VAV2: variants seen among roughly 807,000 people sequenced by gnomAD.
VAV2 encodes vav guanine nucleotide exchange factor 2, also known as guanine nucleotide exchange factor VAV2.
VAV2 carries 67 observed loss-of-function variants against 132.5 expected under a neutral mutation model. That is an observed-to-expected ratio of 0.51 (90% CI 0.42 to 0.62). The LOEUF is 0.62. Ranked by LOEUF, VAV2 falls within the 20% of genes least tolerant of loss-of-function variation. The pLI is 0.00. For missense variants in VAV2, 938 were observed against 1,153.6 expected (o/e 0.81, Z 2.71); for synonymous variants, 492 against 443.5 (o/e 1.11, Z -1.37).
intron 1 of VAV2, among the ~76,000 whole-genome samples, chr9:133,944,001 G>A (rs1474501306): frequency 6.6e-6 from 1 of 152,190 alleles, no homozygotes; most frequent in East Asian, 1.9e-4. Context: ...GGCGGCGCAG[G>A]GCCGGAGAGC....
chr9:133,842,776 G>A (rs1255380280), intron 3 of VAV2, among the ~76,000 whole-genome samples: 5 of 152,200 alleles, frequency 3.3e-5, no homozygotes, highest in East Asian at 1.9e-4. Context: ...AGAACAGCGC[G>A]GGCAGAGGGG....
At chr9:133,861,529 T>C in intron 2 of VAV2, 97 bp from the exon 3 acceptor site, 2 of 1,352,172 alleles carry the variant, frequency 1.5e-6, no homozygotes, top group African/African-American at 1.5e-5. Flanking sequence ...TCGAGAACTG[T>C]TAACTGAGCA....
intron 2 of VAV2, among the ~76,000 whole-genome samples, chr9:133,903,360 G>A (rs978819413): frequency 1.3e-5 from 2 of 152,122 alleles, no homozygotes; most frequent in Non-Finnish European, 2.9e-5. Flanking sequence ...TGGTGCTCCC[G>A]GCTCAGGGTC....
intron 2 of VAV2, among the ~76,000 whole-genome samples, chr9:133,894,077 C>T (rs1333239826): frequency 6.6e-6 from 1 of 152,268 alleles, no homozygotes; most frequent in East Asian, 1.9e-4. Flanking sequence ...CCACTCCCCG[C>T]CTCCACTGCC....
Position 133,802,998 on chromosome 9 carries a change from G to GC in VAV2, c.836+3082dup, listed in dbSNP as rs1300369426. Among the ~76,000 whole-genome samples, 1 of 152,236 alleles carries GC rather than the reference G, an allele frequency of 6.6e-6. No individual in the cohort carries two copies. The highest frequency in any genetic ancestry group is 2.4e-5 in the African/African-American group (1 of 41,472). ...CAGCCCTGCCAGAGCAGGTGGCCAA[G>GC]CCAACCCCTACTGGGGTTTTTGAGG... On this transcript the variant is annotated intron_variant, in intron 9 of 29. Coordinates refer to ENST00000371850, the MANE Select transcript of VAV2 (RefSeq NM_001134398.2). This position sits in a 1 kb window ranked among gnomAD's most constrained non-coding sequence, Gnocchi z 5.8.
intron 4 of VAV2, among the ~76,000 whole-genome samples, chr9:133,825,873 ACCT>A (rs1272184756): frequency 6.6e-6 from 1 of 152,130 alleles, no homozygotes; most frequent in Non-Finnish European, 1.5e-5. Flanking sequence ...AGACGTCCAA[ACCT>A]CCTCGACACC....
chr9:133,873,534 G>A (rs1343811068), intron 2 of VAV2, among the ~76,000 whole-genome samples: 1 of 152,220 alleles, frequency 6.6e-6, no homozygotes, highest in Non-Finnish European at 1.5e-5. Context: ...ACCCAAGACA[G>A]GAGCGGCACT....
Position 133,807,271 on chromosome 9 carries a change from A to G in VAV2, c.722T>C (p.Phe241Ser). 2 of 1,610,810 alleles carry G rather than the reference A, an allele frequency of 1.2e-6. No individual in the cohort carries two copies. The highest frequency in any genetic ancestry group is 8.5e-7 in the Non-Finnish European group (1 of 1,179,212). Residue 241 changes from phenylalanine to serine, a missense_variant, in exon 8 of 30, where the codon TTC becomes TCC. Physicochemically the swap from Phe to Ser is radical, Grantham distance 155 (BLOSUM62 -2). Coordinates refer to ENST00000371850, the MANE Select transcript of VAV2 (RefSeq NM_001134398.2). ...CGGGACCCTTACCTCCAGGTTAATG[A>G]AGACAGCTGCCATGTCCGCCGGGCT... The part of the protein sequence containing the change: ...VLSPADMAAV[F>S]INLEDLIKVH...
rs1375268999 is a variant in VAV2, at chr9:133,884,968, T to TG, written c.322-23537dup. 1.3e-5 allele frequency among the ~76,000 whole-genome samples: 2 copies of TG among 151,828 alleles called. No homozygotes were observed. Among genetic ancestry groups the TG allele is most frequent in the East Asian group, 3.9e-4 (2 of 5,166 alleles). On this transcript the variant is annotated intron_variant, in intron 2 of 29. Transcript: ENST00000371850. The surrounding 1 kb of genome is among the most constrained non-coding windows in gnomAD (Gnocchi z 5.3). Reference sequence around the variant, plus strand: ...CACCTGAGCCAGCCACAGTGACAGGTGGAGCCTAGATCATTCCAAAGACTC... The same window carrying TG: ...CACCTGAGCCAGCCACAGTGACAGGTGGGAGCCTAGATCATTCCAAAGACTC...
intron 2 of VAV2, among the ~76,000 whole-genome samples, chr9:133,914,241 T>A (rs1306138868): frequency 6.6e-6 from 1 of 152,018 alleles, no homozygotes. Context: ...AGAATTACCG[T>A]GAAGCCCAGC....
rs1048886263 is a variant in VAV2, at chr9:133,918,057, T to C, written c.321+21046A>G. Reference sequence around the variant, plus strand: ...TCATTTCCCTGCTTCACCAACTCCATTTTCCAAAGTGATTGAGACTCTAAC... The same window carrying C: ...TCATTTCCCTGCTTCACCAACTCCACTTTCCAAAGTGATTGAGACTCTAAC... On this transcript the variant is annotated intron_variant, in intron 2 of 29. Coordinates refer to ENST00000371850, the MANE Select transcript of VAV2 (RefSeq NM_001134398.2). This position sits in a 1 kb window ranked among gnomAD's most constrained non-coding sequence, Gnocchi z 4.7. 2.6e-5 allele frequency among the ~76,000 whole-genome samples: 4 copies of C among 152,140 alleles called. No homozygotes were observed. The highest frequency in any genetic ancestry group is 9.7e-5 in the African/African-American group (4 of 41,426).
In VAV2 at chr9:133,807,870, C is replaced by T. The variant is rs974690002; in HGVS notation, c.667-544G>A. On this transcript the variant is annotated intron_variant, in intron 7 of 29. Transcript: ENST00000371850. ...GCGGGATGTGAAGTGAACATGAGGA[C>T]GTGTGAGGCTGCTGACCCTGCTCTG... Among the ~76,000 whole-genome samples, 7 of 152,352 alleles carry T rather than the reference C, an allele frequency of 4.6e-5. 1 individual carries two copies. The highest frequency in any genetic ancestry group is 6.8e-3 in the Middle Eastern group (2 of 294).
At chr9:133,907,055 G>A (rs1192033109) in intron 2 of VAV2, among the ~76,000 whole-genome samples, 3 of 152,146 alleles carry the variant, frequency 2.0e-5, no homozygotes, top group African/African-American at 4.8e-5. Flanking sequence ...GGCGGGGGGA[G>A]GGACAAGGAC....
intron 12 of VAV2, among the ~76,000 whole-genome samples, chr9:133,793,968 C>T (rs777244492): frequency 2.6e-5 from 4 of 152,098 alleles, no homozygotes; most frequent in Non-Finnish European, 4.4e-5. Flanking sequence ...TGATGAGGTT[C>T]GGTGGCTCTC....
At chr9:133,780,221 C>T (rs1362889212) in intron 20 of VAV2, among the ~76,000 whole-genome samples, 1 of 152,260 alleles carries the variant, frequency 6.6e-6, no homozygotes, top group African/African-American at 2.4e-5. Flanking sequence ...TGACCACCTG[C>T]TCTGAGCCTG....
Position 133,788,636 on chromosome 9 carries a change from C to A in VAV2, c.1275-150G>T. The A allele has an allele frequency of 8.5e-7, 1 of 1,171,738 alleles. No individual in the cohort carries two copies. Among genetic ancestry groups the A allele is most frequent in the Non-Finnish European group, 1.2e-6 (1 of 852,418 alleles). 72.6% of individuals were successfully genotyped at this position (1,171,738 alleles called of 1,614,324 possible). On this transcript the variant is annotated intron_variant, in intron 14 of 29. Coordinates refer to ENST00000371850, the MANE Select transcript of VAV2 (RefSeq NM_001134398.2). The surrounding 1 kb of genome is among the most constrained non-coding windows in gnomAD (Gnocchi z 5.3). ...CCTGGCTCACCAGGCTAATGCTGAG[C>A]CTCGGTCAGGTCTCGGCTGTTCCCA...
chr9:133,806,612 T>C (rs2131684883), intron 8 of VAV2, among the ~76,000 whole-genome samples: 1 of 151,394 alleles, frequency 6.6e-6, no homozygotes, highest in East Asian at 2.0e-4. Context: ...AGATGAACTC[T>C]AGGTCAGAGG....
intron 1 of VAV2, among the ~76,000 whole-genome samples, chr9:133,956,181 T>C (rs1289326277): frequency 6.6e-6 from 1 of 152,056 alleles, no homozygotes; most frequent in African/African-American, 2.4e-5. Context: ...TCCTCACTGG[T>C]TCACAGGGAG....
chr9:133,832,039 C>T (rs1320847459), intron 4 of VAV2, among the ~76,000 whole-genome samples: 1 of 152,236 alleles, frequency 6.6e-6, no homozygotes, highest in Admixed American at 6.5e-5. Flanking sequence ...GCACCGCCCA[C>T]TGTTGCTGTC....
Sources: allele counts gnomAD v4.1 joint callset (sites outside exome capture counted in the v4.1 genomes callset), GRCh38; gene constraint gnomAD v4.1.1; non-coding constraint Gnocchi (gnomAD v3.1); transcripts MANE v1.5; gene names NCBI Gene and HGNC (gene_info 2026-07-23, HGNC 2026-07-21).